LMO7: variants seen among roughly 807,000 people sequenced by gnomAD.
LMO7 encodes LIM domain 7, also known as LIM domain only protein 7.
In LMO7, 120 loss-of-function variants were observed where a neutral mutation model predicts 206.5. The observed-to-expected ratio is 0.58, with a 90% CI of 0.50 to 0.68. The LOEUF (loss-of-function observed/expected upper bound fraction) is 0.68. Ranked by LOEUF, LMO7 falls within the 30% of genes least tolerant of loss-of-function variation. The pLI is 0.00. For synonymous variants in LMO7, 706 were observed against 681.5 expected (o/e 1.04, Z -0.56); for missense variants, 1,959 against 1,957.9 (o/e 1.00, Z -0.01).
At chr13:75,691,532 C>A (rs2041475130) in intron 1 of LMO7, among the ~76,000 whole-genome samples, 1 of 152,158 alleles carries the variant, frequency 6.6e-6, no homozygotes, top group Admixed American at 6.5e-5. Context: ...ATGCTTCCTC[C>A]TGGGCCTTTT....
At chr13:75,854,141 A>G (rs1001441715) in intron 28 of LMO7, among the ~76,000 whole-genome samples, 1 of 152,140 alleles carries the variant, frequency 6.6e-6, no homozygotes, top group African/African-American at 2.4e-5. Context: ...ATGTAAGTAT[A>G]TGGGGCAGTG....
In LMO7 at chr13:75,857,976, T is replaced by C. The variant is rs1196274568; in HGVS notation, c.*33T>C. On this transcript the variant is annotated 3_prime_UTR_variant, in exon 31 of 31. Transcript: ENST00000377534. ...CTCCATACGAAAGCACTGTTGCAGA[T>C]AGAAGAAGAGGTGGTTGCTGCTCAT... 6.2e-7 allele frequency: 1 copy of C among 1,609,778 alleles called. No individual in the cohort carries two copies. Among genetic ancestry groups the C allele is most frequent in the Admixed American group, 1.7e-5 (1 of 59,466 alleles).
In LMO7 at chr13:75,842,885, GA is replaced by G. The variant is rs760639478; in HGVS notation, c.4068del (p.Ala1357HisfsTer33). ...TTCCTATGATATACCAAAGACAGAAGAAGCATCTTCAGGTTTTCTTCCTGGT... is the reference window on the plus strand; with the variant it reads ...TTCCTATGATATACCAAAGACAGAAGAGCATCTTCAGGTTTTCTTCCTGGT... ...VDSYDIPKTE[E>X]ASSGFLPGDR... On this transcript the variant is annotated frameshift_variant, in exon 25 of 31. Transcript: ENST00000377534. LOFTEE classifies it high-confidence loss of function. 6 of 1,608,160 alleles carry G rather than the reference GA, an allele frequency of 3.7e-6. No individual in the cohort carries two copies. Among genetic ancestry groups the G allele is most frequent in the Non-Finnish European group, 5.1e-6 (6 of 1,175,128 alleles).
chr13:75,662,809 C>T (rs1009152326), intron 1 of LMO7, among the ~76,000 whole-genome samples: 12 of 152,196 alleles, frequency 7.9e-5, no homozygotes, highest in African/African-American at 2.9e-4. Context: ...TAATGATTAA[C>T]TGTGAAGGAG....
intron 2 of LMO7, among the ~76,000 whole-genome samples, chr13:75,624,465 C>G (rs1394816864): frequency 2.0e-5 from 3 of 152,172 alleles, no homozygotes; most frequent in Non-Finnish European, 4.4e-5. Flanking sequence ...ATTTTACTCA[C>G]TACCTGAAGG....
intron 3 of LMO7, chr13:75,760,326 C>T (rs2048050403): frequency 1.0e-6 from 1 of 991,104 alleles, no homozygotes; most frequent in African/African-American, 1.7e-5. Context: ...ATGTGCCACA[C>T]AAACTATGCA....
Position 75,808,156 on chromosome 13 carries a change from G to A in LMO7, c.1873G>A (p.Glu625Lys), listed in dbSNP as rs2055790681. 1 of 1,613,772 alleles carries A rather than the reference G, an allele frequency of 6.2e-7. No homozygotes were observed. The highest frequency in any genetic ancestry group is 1.1e-5 in the South Asian group (1 of 91,058). Residue 625 changes from glutamate (E) to lysine (K), a missense_variant, in exon 10 of 31, where the codon GAG becomes AAG. By Grantham distance (56) the Glu-to-Lys change is moderately conservative. Transcript: ENST00000377534. ...CTTGAAGAGATGGGAGGCCATCCGG[G>A]AGGCCAGCAGACTTAGGCACAAGAA... ...ADLKRWEAIREASRLRHKKRL... is the reference protein window; with the variant it reads ...ADLKRWEAIRKASRLRHKKRL...
At chr13:75,785,834 G>T (rs2052343673) in intron 4 of LMO7, among the ~76,000 whole-genome samples, 1 of 152,122 alleles carries the variant, frequency 6.6e-6, no homozygotes, top group Admixed American at 6.6e-5. Flanking sequence ...AAGACTAAAA[G>T]ATTTATATTA....
Position 75,853,324 on chromosome 13 carries a change from C to T in LMO7, c.4597C>T (p.Gln1533Ter). 1 of 1,613,948 alleles carries T rather than the reference C, an allele frequency of 6.2e-7. No homozygotes were observed. The highest frequency in any genetic ancestry group is 8.5e-7 in the Non-Finnish European group (1 of 1,179,884). ...CTCCACCACAGGTGTGGCCACCACACAGTCCCCCACCCCGAGAAGCCATTC... is the reference window on the plus strand; with the variant it reads ...CTCCACCACAGGTGTGGCCACCACATAGTCCCCCACCCCGAGAAGCCATTC... ...KTSTTGVATT[Q>*]SPTPRSHSPS... Residue 1533 changes from glutamine to a stop codon, truncating the protein, a stop_gained, in exon 28 of 31, where the codon CAG becomes TAG. Coordinates refer to ENST00000377534, the MANE Select transcript of LMO7 (RefSeq NM_001306080.2). LOFTEE classifies it high-confidence loss of function.
intron 3 of LMO7, among the ~76,000 whole-genome samples, chr13:75,749,285 T>C (rs960446364): frequency 1.3e-5 from 2 of 152,238 alleles, no homozygotes; most frequent in African/African-American, 4.8e-5. Flanking sequence ...TCATAAAATA[T>C]GCATTTTAGC....
At position 75,761,159 on chromosome 13, in the gene LMO7, T is replaced by C. The variant is rs573859947; in HGVS notation, c.317+121T>C. 3.4e-5 allele frequency: 22 copies of C among 650,104 alleles called. No homozygotes were observed. In the East Asian group the frequency reaches 5.8e-4, roughly 17 times the overall value. 40.3% of individuals were successfully genotyped at this position (650,104 alleles called of 1,614,324 possible). On this transcript the variant is annotated intron_variant, in intron 4 of 30. Coordinates refer to ENST00000377534, the MANE Select transcript of LMO7 (RefSeq NM_001306080.2). The stretch of plus-strand genomic sequence containing the variant: ...AAAAATTCTTCTGTTCTCTCTGTTT[T>C]CCTCTGTTCTCATTCTAAAAGAGAC...
intron 3 of LMO7, among the ~76,000 whole-genome samples, chr13:75,743,730 G>A (rs1014487060): frequency 1.3e-5 from 2 of 151,966 alleles, no homozygotes; most frequent in Admixed American, 1.3e-4. Flanking sequence ...AGAAGATCAG[G>A]AAAAATAACA....
chr13:75,835,476 T>C (rs2059041809), intron 18 of LMO7, 137 bp downstream of exon 18: 6 of 560,204 alleles, frequency 1.1e-5, no homozygotes, highest in Non-Finnish European at 1.8e-5. Flanking sequence ...TAATGTAAAT[T>C]ATAGTAAAGA....
chr13:75,690,708 A>G (rs2041395509), intron 1 of LMO7, among the ~76,000 whole-genome samples: 1 of 152,196 alleles, frequency 6.6e-6, no homozygotes, highest in Non-Finnish European at 1.5e-5. Context: ...TATAAAAACA[A>G]GTGATAGGCC....
intron 1 of LMO7, among the ~76,000 whole-genome samples, chr13:75,680,718 CT>C (rs1449100517): frequency 6.6e-6 from 1 of 152,144 alleles, no homozygotes; most frequent in African/African-American, 2.4e-5. Flanking sequence ...TATCCCTCCC[CT>C]ATCCCCCAAC....
chr13:75,768,977 A>G (rs1335923548), intron 4 of LMO7, among the ~76,000 whole-genome samples: 1 of 152,162 alleles, frequency 6.6e-6, no homozygotes, highest in African/African-American at 2.4e-5. Flanking sequence ...AAAAAATTAT[A>G]AATAGCAATA....
At chr13:75,825,260 A>G (rs887142064) in intron 15 of LMO7, among the ~76,000 whole-genome samples, 6 of 152,346 alleles carry the variant, frequency 3.9e-5, no homozygotes, top group Non-Finnish European at 8.8e-5. Flanking sequence ...ATAAGGTACC[A>G]GTAGATGAAT....
intron 1 of LMO7, 109 bp from the exon 2 acceptor site, chr13:75,713,073 C>A: frequency 1.6e-6 from 1 of 635,540 alleles, no homozygotes; most frequent in Non-Finnish European, 2.6e-6. Flanking sequence ...TCTATATATG[C>A]AAATCCTTCA....
At chr13:75,839,870 T>A (rs183125501) in intron 20 of LMO7, 6 of 499,284 alleles carry the variant, frequency 1.2e-5, no homozygotes, top group Non-Finnish European at 2.1e-5. Flanking sequence ...ATCTGTATCT[T>A]CCTTTTACTA....
Sources: allele counts gnomAD v4.1 joint callset (sites outside exome capture counted in the v4.1 genomes callset), GRCh38; gene constraint gnomAD v4.1.1; transcripts MANE v1.5; gene names NCBI Gene and HGNC (gene_info 2026-07-23, HGNC 2026-07-21).